The following FMNL3 variants were observed in gnomAD, a reference collection of about 807,000 sequenced individuals.
The protein encoded by FMNL3 is formin-like protein 3.
Under a neutral mutation model 119.6 loss-of-function variants are expected in FMNL3, and 57 were observed. The ratio of observed to expected loss-of-function variants is 0.48; its 90% CI spans 0.39 to 0.59. The LOEUF is 0.59. Among genes scored for constraint, FMNL3 ranks in the 20% least tolerant of loss-of-function variants. The pLI is 0.00. For synonymous variants in FMNL3, 491 were observed against 507.3 expected (o/e 0.97, Z 0.43); for missense variants, 1,053 against 1,323.5 (o/e 0.80, Z 3.17).
chr12:49,652,325 T>C, intron 13 of FMNL3, 113 bp from the exon 14 acceptor site: 1 of 1,443,134 alleles, frequency 6.9e-7, no homozygotes, highest in Non-Finnish European at 9.1e-7. Context: ...GTCAGGGTAC[T>C]CAGAGGCTCA....
At chr12:49,697,858 G>GA (rs374148740) in intron 1 of FMNL3, among the ~76,000 whole-genome samples, 72 of 143,588 alleles carry the variant, frequency 5.0e-4, no homozygotes, top group Middle Eastern at 3.5e-3. Context: ...TCGTGCAGCT[G>GA]AAAAAAAAAA....
chr12:49,660,739 C>T (rs1055419693), intron 5 of FMNL3, among the ~76,000 whole-genome samples: 2 of 152,248 alleles, frequency 1.3e-5, no homozygotes, highest in African/African-American at 4.8e-5. Flanking sequence ...GGGTGGATCG[C>T]TTGAGCCCAG....
chr12:49,659,402 C>T (rs1195186627), intron 5 of FMNL3, among the ~76,000 whole-genome samples: 1 of 151,716 alleles, frequency 6.6e-6, no homozygotes, highest in East Asian at 1.9e-4. Flanking sequence ...CCACCATCAG[C>T]AATTATTATT....
chr12:49,650,014 G>T, intron 17 of FMNL3, 89 bp from the exon 18 acceptor site: 1 of 1,166,548 alleles, frequency 8.6e-7, no homozygotes. Context: ...AGAAGAACTG[G>T]ACAGGGGACT....
chr12:49,656,718 CT>C, intron 8 of FMNL3, 104 bp downstream of exon 8: 1 of 1,169,990 alleles, frequency 8.5e-7, no homozygotes, highest in Non-Finnish European at 1.3e-6. Flanking sequence ...AACCAAGGCT[CT>C]TGACAGGACT....
intron 1 of FMNL3, among the ~76,000 whole-genome samples, chr12:49,676,051 G>A (rs1944176752): frequency 6.6e-6 from 1 of 152,156 alleles, no homozygotes; most frequent in Non-Finnish European, 1.5e-5. Flanking sequence ...TTAAAATCCA[G>A]TAGCTCTATG....
Position 49,653,894 on chromosome 12 carries a change from T to C in FMNL3, c.1072-20A>G. The stretch of plus-strand genomic sequence containing the variant: ...TGACTTCTGGGGGAAGAGCAGAGAG[T>C]AGGAGTAGTTGTAGGAGCAGGCAGA... On this transcript the variant is annotated intron_variant, in intron 11 of 25. Coordinates refer to ENST00000335154, the MANE Select transcript of FMNL3 (RefSeq NM_175736.5). 1 of 1,608,638 alleles carries C rather than the reference T, an allele frequency of 6.2e-7. No homozygotes were observed. The highest frequency in any genetic ancestry group is 1.3e-5 in the African/African-American group (1 of 74,796).
Position 49,649,396 on chromosome 12 carries a change from C to T in FMNL3, c.2305-57G>A. The T allele has an allele frequency of 6.2e-7, 1 of 1,613,618 alleles. No individual in the cohort carries two copies. The highest frequency in any genetic ancestry group is 2.2e-5 in the East Asian group (1 of 44,882). On this transcript the variant is annotated intron_variant, in intron 19 of 25. Transcript: ENST00000335154. This position sits in a 1 kb window ranked among gnomAD's most constrained non-coding sequence, Gnocchi z 5.6. ...GCTCAGGTCCTGAAGGCTCCTTCTT[C>T]CTCTCTGTATAGCCCCAGGCCCCCA... is the stretch of plus-strand genomic sequence containing the variant.
chr12:49,653,298 A>G lies in FMNL3; in HGVS notation c.1251T>C (p.Asn417=), dbSNP rs199786905. ...GTTCTGCCACCCGCATCATGTTTTC[A>G]TTCTCTAGGTCCAGAAGCTTCTCTG... ...HLTEKLLDLE[N]ENMMRVAELE... is the part of the protein sequence containing the mutation. The change falls in exon 13 of 26, where the codon AAT becomes AAC. Residue 417 remains asparagine, a synonymous_variant. Coordinates refer to ENST00000335154, the MANE Select transcript of FMNL3 (RefSeq NM_175736.5). 6.4e-4 allele frequency: 1,027 copies of G among 1,614,052 alleles called. 4 individuals carry two copies. Among genetic ancestry groups the G allele is most frequent in the Admixed American group, 4.2e-3 (252 of 60,014 alleles).
At chr12:49,669,770 T>C (rs1943992348) in intron 1 of FMNL3, among the ~76,000 whole-genome samples, 1 of 152,090 alleles carries the variant, frequency 6.6e-6, no homozygotes, top group African/African-American at 2.4e-5. Flanking sequence ...AGGTGGAGGT[T>C]GCAGTGAGCC....
intron 1 of FMNL3, among the ~76,000 whole-genome samples, chr12:49,696,142 A>G (rs983434948): frequency 9.2e-5 from 14 of 152,254 alleles, no homozygotes; most frequent in African/African-American, 3.1e-4. Context: ...TCTCTGATAT[A>G]AAATTATATA....
Position 49,649,380 on chromosome 12 carries a change from C to A in FMNL3, c.2305-41G>T. On this transcript the variant is annotated intron_variant, in intron 19 of 25. Coordinates refer to ENST00000335154, the MANE Select transcript of FMNL3 (RefSeq NM_175736.5). This position sits in a 1 kb window ranked among gnomAD's most constrained non-coding sequence, Gnocchi z 5.6. ...GTGGGAGGCAGGTCAGGCTCAGGTC[C>A]TGAAGGCTCCTTCTTCCTCTCTGTA... The A allele has an allele frequency of 6.2e-7, 1 of 1,613,894 alleles. No individual in the cohort carries two copies. Among genetic ancestry groups the A allele is most frequent in the Non-Finnish European group, 8.5e-7 (1 of 1,179,826 alleles).
rs923294921 is a variant in FMNL3, at chr12:49,642,434, T to C, written c.*3381A>G. 1.9e-6 allele frequency: 3 copies of C among 1,593,114 alleles called. No homozygotes were observed. The highest frequency in any genetic ancestry group is 1.3e-5 in the African/African-American group (1 of 74,470). On this transcript the variant is annotated 3_prime_UTR_variant, in exon 26 of 26. Transcript: ENST00000335154. The surrounding 1 kb of genome is among the most constrained non-coding windows in gnomAD (Gnocchi z 5.8). ...CCTGAGGGCAGCGGTGCTTCACCAC[T>C]GAGGGCCCACCCCAGTCACGTCACA...
At position 49,637,851 on chromosome 12, in the gene FMNL3, A is replaced by T; in HGVS notation, c.*7964T>A. The stretch of plus-strand genomic sequence containing the variant: ...TGAGGGAGGCTGGGGTTATGGATGG[A>T]TACAGGATGGATGCAGGGCACACTC... On this transcript the variant is annotated 3_prime_UTR_variant, in exon 26 of 26. Transcript: ENST00000335154. 1 of 1,550,404 alleles carries T rather than the reference A, an allele frequency of 6.4e-7. No individual in the cohort carries two copies. The highest frequency in any genetic ancestry group is 8.9e-7 in the Non-Finnish European group (1 of 1,123,686).
rs187306554 is a variant in FMNL3 at position 49,664,774 on chromosome 12, T to C, written c.368+1058A>G. On this transcript the variant is annotated intron_variant, in intron 4 of 25. Coordinates refer to ENST00000335154, the MANE Select transcript of FMNL3 (RefSeq NM_175736.5). The stretch of plus-strand genomic sequence containing the variant: ...GTGCTGTTTCCCTTGTGATTGCTGC[T>C]ACAGCTGGCTACACACAGGTGTCCC... Among the ~76,000 whole-genome samples, 595 of 152,298 alleles carry C rather than the reference T, an allele frequency of 3.9e-3. 1 individual carries two copies. Among genetic ancestry groups the C allele is most frequent in the Middle Eastern group, 0.017 (5 of 294 alleles).
chr12:49,690,606 T>C (rs937419995), intron 1 of FMNL3, among the ~76,000 whole-genome samples: 5 of 152,174 alleles, frequency 3.3e-5, no homozygotes, highest in Admixed American at 3.3e-4. Flanking sequence ...CCTAGTAGGA[T>C]AGCTAAGATC....
At chr12:49,689,117 C>A (rs1323263915) in intron 1 of FMNL3, among the ~76,000 whole-genome samples, 1 of 150,648 alleles carries the variant, frequency 6.6e-6, no homozygotes, top group African/African-American at 2.5e-5. Context: ...GATCCTAACT[C>A]AAAAAATAAT....
intron 1 of FMNL3, among the ~76,000 whole-genome samples, chr12:49,680,147 G>A (rs1290684353): frequency 6.6e-6 from 1 of 152,242 alleles, no homozygotes; most frequent in Non-Finnish European, 1.5e-5. Flanking sequence ...TGCCCAAAGA[G>A]ACAGCAGAGG....
intron 5 of FMNL3, among the ~76,000 whole-genome samples, chr12:49,660,583 G>T (rs1943704010): frequency 6.6e-6 from 1 of 152,188 alleles, no homozygotes; most frequent in Admixed American, 6.5e-5. Flanking sequence ...CATAGAAGAA[G>T]CATCAAATTC....
Sources: allele counts gnomAD v4.1 joint callset (sites outside exome capture counted in the v4.1 genomes callset), GRCh38; gene constraint gnomAD v4.1.1; non-coding constraint Gnocchi (gnomAD v3.1); transcripts MANE v1.5; gene names NCBI Gene and HGNC (gene_info 2026-07-23, HGNC 2026-07-21).